The following ZNF274 variants were observed in gnomAD, a reference collection of about 807,000 sequenced individuals.
ZNF274 encodes the protein zinc finger protein 274, also known as neurotrophin receptor-interacting factor homolog.
Under a neutral mutation model 42.5 loss-of-function variants are expected in ZNF274, and 23 were observed. The observed-to-expected ratio is 0.54, with a 90% CI of 0.39 to 0.77. ZNF274 has a LOEUF of 0.77. ZNF274 is among the 30% of genes least tolerant of loss of function. The pLI is 0.00. For synonymous variants in ZNF274, 292 were observed against 305.4 expected, an observed-to-expected ratio of 0.96 and a Z score of 0.46; for missense variants, 679 against 806.5, an observed-to-expected ratio of 0.84 and a Z score of 1.91.
intron 4 of ZNF274, among the ~76,000 whole-genome samples, chr19:58,203,908 T>C (rs2075947871): frequency 6.6e-6 from 1 of 152,218 alleles, no homozygotes; most frequent in Non-Finnish European, 1.5e-5. Context: ...TGATCTACAA[T>C]TGCGCCACCT....
At position 58,186,962 on chromosome 19, in the gene ZNF274, A is replaced by C. The variant is rs541216736; in HGVS notation, c.176A>C (p.Lys59Thr). 19 of 1,613,690 alleles carry C rather than the reference A, an allele frequency of 1.2e-5. No individual in the cohort carries two copies. The East Asian group carries it at 3.8e-4, about 32-fold the overall frequency. ...CTTTGAGCAGAACATCAGCTTTCCA[A>C]ACCAGATGTGGTATCTCAGTTAGAG... is the stretch of plus-strand genomic sequence containing the variant. ...NLVSVEHQLSKPDVVSQLEEA... is the reference protein window; with the variant it reads ...NLVSVEHQLSTPDVVSQLEEA... The change falls in exon 4 of 8, where the codon AAA becomes ACA. Residue 59 changes from lysine to threonine, a missense_variant. Around this residue, in one of 2 missense-constraint regions of ZNF274, gnomAD observed 223 missense variants for 216.4 expected, o/e 1.03. Coordinates refer to ENST00000617501, the MANE Select transcript of ZNF274 (RefSeq NM_133502.3).
chr19:58,204,509 T>G (rs1033770089), intron 4 of ZNF274, among the ~76,000 whole-genome samples: 6 of 151,474 alleles, frequency 4.0e-5, no homozygotes, highest in Admixed American at 3.3e-4. Context: ...ACTCGGCGGG[T>G]GCGTGAGAGA....
At chr19:58,192,901 C>T (rs969384428) in intron 4 of ZNF274, among the ~76,000 whole-genome samples, 3 of 152,068 alleles carry the variant, frequency 2.0e-5, no homozygotes, top group Non-Finnish European at 4.4e-5. Flanking sequence ...TGCGCCATTA[C>T]GCCTGGCTAA....
chr19:58,195,571 G>C (rs1316469807), intron 4 of ZNF274, among the ~76,000 whole-genome samples: 2 of 152,184 alleles, frequency 1.3e-5, no homozygotes, highest in Non-Finnish European at 2.9e-5. Flanking sequence ...GACAGAACTG[G>C]TATTGAGTTT....
intron 4 of ZNF274, among the ~76,000 whole-genome samples, chr19:58,188,694 G>GTATATATATATATATATGTATA (rs2075738635): frequency 1.3e-5 from 1 of 74,656 alleles, no homozygotes; most frequent in African/African-American, 5.4e-5. Flanking sequence ...ATATGTATAT[G>GTATATATATATATATATGTATA]TATATATATA....
intron 4 of ZNF274, among the ~76,000 whole-genome samples, chr19:58,194,856 C>T (rs1038600035): frequency 6.6e-6 from 1 of 152,108 alleles, no homozygotes; most frequent in Non-Finnish European, 1.5e-5. Context: ...CAAAAAATAG[C>T]CGGGCACGGT....
intron 4 of ZNF274, among the ~76,000 whole-genome samples, chr19:58,189,832 CT>C (rs1377669421): frequency 6.6e-6 from 1 of 151,942 alleles, no homozygotes; most frequent in African/African-American, 2.4e-5. Flanking sequence ...ATTCTTTGAT[CT>C]TTTTTGGCCG....
chr19:58,206,061 C>T (rs973561516), intron 4 of ZNF274, among the ~76,000 whole-genome samples: 3 of 150,450 alleles, frequency 2.0e-5, no homozygotes, highest in African/African-American at 2.4e-5. Context: ...AGAAAGAAAC[C>T]GCATACCCAT....
Position 58,185,712 on chromosome 19 carries a change from G to A in ZNF274, c.34G>A (p.Glu12Lys). The A allele has an allele frequency of 7.0e-7, 1 of 1,438,264 alleles. No homozygotes were observed. The highest frequency in any genetic ancestry group is 9.2e-7 in the Non-Finnish European group (1 of 1,090,050). The allele number at this position is 1,438,264 out of a possible 1,614,324, so 89.1% of individuals were successfully genotyped here. The change falls in exon 3 of 8, where the codon GAA becomes AAA. Residue 12 changes from glutamate to lysine, a missense_variant and splice_region_variant. Coordinates refer to ENST00000617501, the MANE Select transcript of ZNF274 (RefSeq NM_133502.3). The part of the protein sequence containing the change: ...ASRLPTAWSC[E>K]PVTFEDVTLG... ...GCTGAACAAGAATCTGGATTTTTAG[G>A]AACCAGTGACCTTTGAAGATGTAAC...
Position 58,206,964 on chromosome 19 carries a change from C to T in ZNF274, c.501C>T (p.Phe167=), listed in dbSNP as rs1244643184. 1 of 1,610,212 alleles carries T rather than the reference C, an allele frequency of 6.2e-7. No individual in the cohort carries two copies. Among genetic ancestry groups the T allele is most frequent in the Non-Finnish European group, 8.5e-7 (1 of 1,178,254 alleles). ...PEAARQRFRQ[F]RYKDMTGPRE... ...CCGCGCGCCAGAGGTTCCGGCAGTT[C>T]CGTTATAAGGACATGACAGGTCCCC... is the stretch of plus-strand genomic sequence containing the variant. The change falls in exon 5 of 8, where the codon TTC becomes TTT. Residue 167 remains phenylalanine (F), a synonymous_variant. Coordinates refer to ENST00000617501, the MANE Select transcript of ZNF274 (RefSeq NM_133502.3).
intron 4 of ZNF274, among the ~76,000 whole-genome samples, chr19:58,191,579 G>A (rs2075779521): frequency 6.6e-6 from 1 of 152,228 alleles, no homozygotes; most frequent in African/African-American, 2.4e-5. Flanking sequence ...TGATCTGGTA[G>A]TATCCTAAAT....
In ZNF274 at chr19:58,212,451, A is replaced by G. The variant is rs769907310; in HGVS notation, c.1270A>G (p.Asn424Asp). The G allele has an allele frequency of 6.2e-7, 1 of 1,612,856 alleles. No homozygotes were observed. Among genetic ancestry groups the G allele is most frequent in the Non-Finnish European group, 8.5e-7 (1 of 1,179,368 alleles). The change falls in exon 8 of 8, where the codon AAC becomes GAC. Residue 424 changes from asparagine to aspartate, a missense_variant. Coordinates refer to ENST00000617501, the MANE Select transcript of ZNF274 (RefSeq NM_133502.3). The surrounding 1 kb of genome is among the most constrained non-coding windows in gnomAD (Gnocchi z 4.6). ...TNQVSLQKID[N>D]PESQANSGAL... ...CCAAGTTTCGCTCCAGAAAATTGAC[A>G]ACCCTGAGTCCCAGGCAAACAGTGG...
chr19:58,212,197 CA>C lies in ZNF274; in HGVS notation c.1019del (p.Asn340IlefsTer13). 6.2e-7 allele frequency: 1 copy of C among 1,610,400 alleles called. No homozygotes were observed. The highest frequency in any genetic ancestry group is 1.1e-5 in the South Asian group (1 of 90,956). ...ACACTGGAAAATAAAGAGTTAGCTCCAAATTCTGACATTCCTGAGGAAGAAC... is the reference window on the plus strand; with the variant it reads ...ACACTGGAAAATAAAGAGTTAGCTCCAATTCTGACATTCCTGAGGAAGAAC... The part of the protein sequence containing the change: ...ETTLENKELA[P>X]NSDIPEEEPA... On this transcript the variant is annotated frameshift_variant, in exon 8 of 8. Coordinates refer to ENST00000617501, the MANE Select transcript of ZNF274 (RefSeq NM_133502.3). LOFTEE classifies it low-confidence loss of function (END_TRUNC). The surrounding 1 kb of genome is among the most constrained non-coding windows in gnomAD (Gnocchi z 4.6).
Position 58,213,188 on chromosome 19 carries a change from G to A in ZNF274, c.*45G>A, listed in dbSNP as rs376730551. 3 of 1,562,042 alleles carry A rather than the reference G, an allele frequency of 1.9e-6. No homozygotes were observed. Among genetic ancestry groups the A allele is most frequent in the Non-Finnish European group, 2.6e-6 (3 of 1,155,684 alleles). ...AACCTTGCCTTTTCAGCTTGACCCT[G>A]CAATATAACATGCACAGGCCTGCTT... On this transcript the variant is annotated 3_prime_UTR_variant, in exon 8 of 8. Transcript: ENST00000617501.
intron 3 of ZNF274, among the ~76,000 whole-genome samples, chr19:58,186,535 C>CAAAAAAAAA (rs10695409): frequency 2.0e-5 from 2 of 102,230 alleles, no homozygotes; most frequent in African/African-American, 3.9e-5. Context: ...GACTCCGTCT[C>CAAAAAAAAA]AAAAAAAAAA....
At chr19:58,189,602 T>G (rs534831866) in intron 4 of ZNF274, among the ~76,000 whole-genome samples, 2 of 152,164 alleles carry the variant, frequency 1.3e-5, no homozygotes, top group South Asian at 4.1e-4. Context: ...TATATAGTAG[T>G]TCCCCTTGTC....
Position 58,212,116 on chromosome 19 carries a change from G to A in ZNF274, c.980-45G>A, listed in dbSNP as rs766627752. On this transcript the variant is annotated intron_variant, in intron 7 of 7. Coordinates refer to ENST00000617501, the MANE Select transcript of ZNF274 (RefSeq NM_133502.3). The surrounding 1 kb of genome is among the most constrained non-coding windows in gnomAD (Gnocchi z 4.6). ...ATTTCATGCTCTCAGACCCATCCCA[G>A]CACATCTCTCTATGGGATCCACATC... 1.5e-4 allele frequency: 226 copies of A among 1,550,716 alleles called. 2 individuals carry two copies. Among genetic ancestry groups the A allele is most frequent in the Non-Finnish European group, 1.8e-4 (214 of 1,158,222 alleles).
At chr19:58,203,579 CAAAA>C (rs34444681) in intron 4 of ZNF274, among the ~76,000 whole-genome samples, 6 of 80,292 alleles carry the variant, frequency 7.5e-5, no homozygotes, top group Admixed American at 1.4e-4. Context: ...AACTCCGTCT[CAAAA>C]AAAAAAAAAA....
intron 4 of ZNF274, among the ~76,000 whole-genome samples, chr19:58,198,254 G>T (rs1481252466): frequency 6.6e-6 from 1 of 152,120 alleles, no homozygotes; most frequent in Non-Finnish European, 1.5e-5. Context: ...CCTATACAGG[G>T]GAAAAGAACC....
Sources: gnomAD v4.1 joint callset for allele counts (sites outside exome capture counted in the v4.1 genomes callset) on GRCh38, gnomAD v4.1.1 for gene constraint, gnomAD v4.1.1 regional missense constraint, Gnocchi (gnomAD v3.1) non-coding constraint, MANE v1.5 for transcripts, NCBI Gene and HGNC (gene_info 2026-07-23, HGNC 2026-07-21) for gene names.